Variants in SUMO3 observed in about 807,000 individuals in gnomAD.
The protein encoded by SUMO3 is small ubiquitin like modifier 3.
SUMO3 carries 2 observed loss-of-function variants against 11.1 expected under a neutral mutation model. That is an observed-to-expected ratio of 0.18 (90% CI 0.07 to 0.57). The LOEUF (loss-of-function observed/expected upper bound fraction) is 0.57, where lower values mean the gene tolerates loss of function less well. Ranked by LOEUF, SUMO3 falls within the 20% of genes least tolerant of loss-of-function variation. SUMO3 has a pLI of 0.92. For synonymous variants in SUMO3, 56 were observed against 53.5 expected (o/e 1.05, Z -0.20); for missense variants, 70 against 132.8 (o/e 0.53, Z 2.32).
Position 44,817,962 on chromosome 21 carries a change from C to T in SUMO3, c.7G>A (p.Glu3Lys). MSEEKPKEGVKTE... is the reference protein window; with the variant it reads MSKEKPKEGVKTE... ...GCCGCGCTTACCTTGGGCTTCTCCT[C>T]GGACATGGCTGCGCGAGCGGCGCGG... Residue 3 changes from glutamate to lysine, a missense_variant, in exon 1 of 4, where the codon GAG becomes AAG. Coordinates refer to ENST00000332859, the MANE Select transcript of SUMO3 (RefSeq NM_006936.3). The T allele has an allele frequency of 9.4e-7, 1 of 1,067,736 alleles. No individual in the cohort carries two copies. Among genetic ancestry groups the T allele is most frequent in the Non-Finnish European group, 1.1e-6 (1 of 904,190 alleles). 66.1% of individuals were successfully genotyped at this position (1,067,736 alleles called of 1,614,324 possible). A position where few individuals can be genotyped will look rare whatever the true frequency, so the allele number is the denominator to read the frequency against.
In SUMO3 at chr21:44,810,441, C is replaced by T. The variant is rs761150846; in HGVS notation, c.151-1323G>A. Among the ~76,000 whole-genome samples the T allele has an allele frequency of 1.3e-4, 20 of 152,204 alleles. No homozygotes were observed. The highest frequency in any genetic ancestry group is 2.8e-4 in the Non-Finnish European group (19 of 68,020). ...TTCTGAACAGCTGCCTGGAAGTTCA[C>T]ATGCAGACCCCTCAGGCAGGACCCC... is the stretch of plus-strand genomic sequence containing the variant. On this transcript the variant is annotated intron_variant, in intron 2 of 3. Coordinates refer to ENST00000332859, the MANE Select transcript of SUMO3 (RefSeq NM_006936.3). The surrounding 1 kb of genome is among the most constrained non-coding windows in gnomAD (Gnocchi z 4.1).
Position 44,810,437 on chromosome 21 carries a change from T to G in SUMO3, c.151-1319A>C, listed in dbSNP as rs1247813596. ...CTGATTCTGAACAGCTGCCTGGAAG[T>G]TCACATGCAGACCCCTCAGGCAGGA... On this transcript the variant is annotated intron_variant, in intron 2 of 3. Transcript: ENST00000332859. This position sits in a 1 kb window ranked among gnomAD's most constrained non-coding sequence, Gnocchi z 4.1. Among the ~76,000 whole-genome samples, 1 of 152,062 alleles carries G rather than the reference T, an allele frequency of 6.6e-6. No homozygotes were observed. The highest frequency in any genetic ancestry group is 1.5e-5 in the Non-Finnish European group (1 of 67,998).
At chr21:44,808,987 T>C (rs2083194502) in intron 3 of SUMO3, 60 bp downstream of exon 3, 1 of 1,409,094 alleles carries the variant, frequency 7.1e-7, no homozygotes, top group Non-Finnish European at 1.0e-6. Flanking sequence ...GTATCCCAAA[T>C]GGCAGTTACC....
chr21:44,809,026 C>CA, intron 3 of SUMO3, 21 bp downstream of exon 3: 1 of 1,612,448 alleles, frequency 6.2e-7, no homozygotes, highest in Non-Finnish European at 8.5e-7. Context: ...GCCCTGGAAC[C>CA]ACGCGAAGCC....
chr21:44,810,810 C>A lies in SUMO3; in HGVS notation c.151-1692G>T, dbSNP rs116147368. On this transcript the variant is annotated intron_variant, in intron 2 of 3. Coordinates refer to ENST00000332859, the MANE Select transcript of SUMO3 (RefSeq NM_006936.3). This position sits in a 1 kb window ranked among gnomAD's most constrained non-coding sequence, Gnocchi z 4.1. The stretch of plus-strand genomic sequence containing the variant: ...AGAAGTCAGCCTGCGTGAGAGCAGT[C>A]AGGGAAAGGCTCACTGTGCAGCAGC... Among the ~76,000 whole-genome samples, 298 of 152,234 alleles carry A rather than the reference C, an allele frequency of 2.0e-3. No individual in the cohort carries two copies. Among genetic ancestry groups the A allele is most frequent in the African/African-American group, 6.4e-3 (265 of 41,544 alleles).
rs541441983 is a variant in SUMO3 at position 44,810,839 on chromosome 21, G to A, written c.151-1721C>T. Among the ~76,000 whole-genome samples, 2 of 150,594 alleles carry A rather than the reference G, an allele frequency of 1.3e-5. No homozygotes were observed. Among genetic ancestry groups the A allele is most frequent in the South Asian group, 2.1e-4 (1 of 4,762 alleles). On this transcript the variant is annotated intron_variant, in intron 2 of 3. Transcript: ENST00000332859. This position sits in a 1 kb window ranked among gnomAD's most constrained non-coding sequence, Gnocchi z 4.1. ...GAAAGGCTCACTGTGCAGCAGCCTA[G>A]AGAGGAGGGGAGGAGCGCAGAGGAG...
At chr21:44,815,636 C>G (rs2083239186) in intron 1 of SUMO3, among the ~76,000 whole-genome samples, 1 of 152,202 alleles carries the variant, frequency 6.6e-6, no homozygotes, top group Non-Finnish European at 1.5e-5. Flanking sequence ...CATGAGGATG[C>G]ACTGGCTTCT....
In SUMO3 at chr21:44,807,447, C is replaced by T. The variant is rs554557893; in HGVS notation, c.223-407G>A. 5.9e-5 allele frequency among the ~76,000 whole-genome samples: 9 copies of T among 152,260 alleles called. No homozygotes were observed. The highest frequency in any genetic ancestry group is 1.9e-4 in the East Asian group (1 of 5,178). ...GGAGCCTTGCGCTTTATACCAAGTG[C>T]GGGGGACCATGCCATGAAAGCCAAA... On this transcript the variant is annotated intron_variant, in intron 3 of 3. Transcript: ENST00000332859. The surrounding 1 kb of genome is among the most constrained non-coding windows in gnomAD (Gnocchi z 4.3).
chr21:44,813,804 C>G, intron 2 of SUMO3, 172 bp downstream of exon 2: 1 of 1,512,556 alleles, frequency 6.6e-7, no homozygotes, highest in Non-Finnish European at 8.8e-7. Flanking sequence ...GGGGACAAGC[C>G]CAGCCTGGAC....
At chr21:44,812,373 C>G (rs967850702) in intron 2 of SUMO3, among the ~76,000 whole-genome samples, 2 of 152,066 alleles carry the variant, frequency 1.3e-5, no homozygotes, top group East Asian at 1.9e-4. Flanking sequence ...AGCCACCATG[C>G]CTGGTGAACT....
chr21:44,808,391 T>C lies in SUMO3; in HGVS notation c.222+656A>G, dbSNP rs1219651454. On this transcript the variant is annotated intron_variant, in intron 3 of 3. Transcript: ENST00000332859. ...AGCCGGGAGTGGTGGTGGGCACCTA[T>C]AGTCCCAGCTACTTGGGAGGCTGAG... 7 of 752,674 alleles carry C rather than the reference T, an allele frequency of 9.3e-6. No homozygotes were observed. The Admixed American group carries it at 2.2e-4, about 24-fold the overall frequency. 46.6% of individuals were successfully genotyped at this position (752,674 alleles called of 1,614,324 possible).
intron 1 of SUMO3, 24 bp from the exon 2 acceptor site, chr21:44,814,128 CCTCAAAACTGTGT>C (rs1188509355): frequency 6.3e-7 from 1 of 1,598,840 alleles, no homozygotes; most frequent in Non-Finnish European, 8.6e-7. Context: ...CAGAGACTGG[CCTCAAAACTGTGT>C]CTCAAAATAA....
chr21:44,813,315 C>T (rs2838696), intron 2 of SUMO3, among the ~76,000 whole-genome samples: 12,404 of 152,148 alleles, frequency 0.082, 593 homozygotes, highest in South Asian at 0.099. Flanking sequence ...GGGCAAAGCC[C>T]ATAAAAGTGG....
rs1403971706 is a variant in SUMO3, at chr21:44,818,035, G to C, written c.-67C>G. 1.3e-5 allele frequency: 15 copies of C among 1,144,286 alleles called. No homozygotes were observed. The highest frequency in any genetic ancestry group is 4.3e-5 in the South Asian group (1 of 23,216). 70.9% of individuals were successfully genotyped at this position (1,144,286 alleles called of 1,614,324 possible). A position where few individuals can be genotyped will look rare whatever the true frequency, so the allele number is the denominator to read the frequency against. On this transcript the variant is annotated 5_prime_UTR_variant, in exon 1 of 4. Transcript: ENST00000332859. The stretch of plus-strand genomic sequence containing the variant: ...CGCGGAGCGGGCGAGTCACGCTCTC[G>C]GCCCCGCCGCTCTCCCGCCGCAACT...
chr21:44,817,576 G>A (rs934709119), intron 1 of SUMO3, among the ~76,000 whole-genome samples: 6 of 152,056 alleles, frequency 3.9e-5, no homozygotes, highest in African/African-American at 1.4e-4. Flanking sequence ...AGAGGAGCAC[G>A]CAAAGACGCT....
Position 44,806,600 on chromosome 21 carries a change from C to G in SUMO3, c.*351G>C, listed in dbSNP as rs1292303434. 5 of 303,794 alleles carry G rather than the reference C, an allele frequency of 1.6e-5. No individual in the cohort carries two copies. The highest frequency in any genetic ancestry group is 1.1e-4 in the African/African-American group (5 of 45,156). 18.8% of individuals were successfully genotyped at this position (303,794 alleles called of 1,614,324 possible). On this transcript the variant is annotated 3_prime_UTR_variant, in exon 4 of 4. Coordinates refer to ENST00000332859, the MANE Select transcript of SUMO3 (RefSeq NM_006936.3). ...GTGAGCAGGGGAGAGGCAACCAACTCAGGAGTCAGATCCCTGGCCAGACTA... is the reference window on the plus strand; with the variant it reads ...GTGAGCAGGGGAGAGGCAACCAACTGAGGAGTCAGATCCCTGGCCAGACTA...
intron 3 of SUMO3, chr21:44,808,469 T>C: frequency 2.8e-6 from 4 of 1,436,174 alleles, no homozygotes; most frequent in South Asian, 1.4e-5. Flanking sequence ...GAGCTGAGAC[T>C]GCGCCACTGC....
chr21:44,815,558 A>C (rs1186702156), intron 1 of SUMO3, among the ~76,000 whole-genome samples: 1 of 152,174 alleles, frequency 6.6e-6, no homozygotes, highest in Non-Finnish European at 1.5e-5. Flanking sequence ...AGGAAGGAAG[A>C]GCATGCAAAC....
chr21:44,810,966 A>C lies in SUMO3; in HGVS notation c.151-1848T>G, dbSNP rs568175970. Among the ~76,000 whole-genome samples the C allele has an allele frequency of 8.7e-5, 13 of 149,422 alleles. No homozygotes were observed. The highest frequency in any genetic ancestry group is 3.3e-4 in the African/African-American group (13 of 39,998). On this transcript the variant is annotated intron_variant, in intron 2 of 3. Coordinates refer to ENST00000332859, the MANE Select transcript of SUMO3 (RefSeq NM_006936.3). This position sits in a 1 kb window ranked among gnomAD's most constrained non-coding sequence, Gnocchi z 4.1. ...CACACATGCACACACCCACACATGC[A>C]CACCCATGCACACACCCATGCACAC... is the stretch of plus-strand genomic sequence containing the variant.
Sources: gnomAD v4.1 joint callset for allele counts (sites outside exome capture counted in the v4.1 genomes callset) on GRCh38, gnomAD v4.1.1 for gene constraint, Gnocchi (gnomAD v3.1) non-coding constraint, MANE v1.5 for transcripts, NCBI Gene and HGNC (gene_info 2026-07-23, HGNC 2026-07-21) for gene names.